Variants in ZAP70 observed in about 807,000 individuals in gnomAD.
ZAP70 encodes the protein tyrosine-protein kinase ZAP-70.
ZAP70 carries 27 observed loss-of-function variants against 65.8 expected under a neutral mutation model. The observed-to-expected ratio is 0.41, with a 90% CI of 0.30 to 0.57. The LOEUF is 0.57. Ranked by LOEUF, ZAP70 falls within the 20% of genes least tolerant of loss-of-function variation. The pLI is 0.28. For synonymous variants in ZAP70, 363 were observed against 360.8 expected (o/e 1.01, Z -0.07); for missense variants, 696 against 870.5 (o/e 0.80, Z 2.52).
Position 97,735,459 on chromosome 2 carries a change from G to A in ZAP70, c.1289+3G>A, listed in dbSNP as rs1383196450. ...CACAAGTTCCTGGTCGGCAAGAGGT[G>A]AGCACCGGGTGGGCCCGGCCATCGG... On this transcript the variant is annotated splice_donor_region_variant and intron_variant, in intron 10 of 13. Transcript: ENST00000264972. The A allele has an allele frequency of 1.2e-6, 2 of 1,608,428 alleles. No homozygotes were observed. Among genetic ancestry groups the A allele is most frequent in the Non-Finnish European group, 8.5e-7 (1 of 1,176,388 alleles).
At chr2:97,722,018 TGTGATCCACCTGCC>T (rs1677181915) in intron 2 of ZAP70, among the ~76,000 whole-genome samples, 1 of 152,056 alleles carries the variant, frequency 6.6e-6, no homozygotes, top group Non-Finnish European at 1.5e-5. Context: ...TGCCTGACCT[TGTGATCCACCTGCC>T]TTGGCCTCCC....
rs1241713073 is a variant in ZAP70, at chr2:97,721,626, G to A, written c.-21-2390G>A. On this transcript the variant is annotated intron_variant, in intron 2 of 13. Transcript: ENST00000264972. ...TTTTTGTATTTTTAGTAGAGACAGG[G>A]TTTCACTGTGTTAGCCAGGATGGTC... is the stretch of plus-strand genomic sequence containing the variant. Among the ~76,000 whole-genome samples the A allele has an allele frequency of 2.8e-5, 4 of 141,988 alleles. No homozygotes were observed. In the East Asian group the frequency reaches 8.2e-4, roughly 29 times the overall value. 93.1% of individuals were successfully genotyped at this position (141,988 alleles called of 152,430 possible). A position where few individuals can be genotyped will look rare whatever the true frequency, so the allele number is the denominator to read the frequency against.
chr2:97,728,872 C>T (rs1173277163), intron 4 of ZAP70, among the ~76,000 whole-genome samples: 1 of 152,244 alleles, frequency 6.6e-6, no homozygotes, highest in Non-Finnish European at 1.5e-5. Flanking sequence ...CTGCCTCAGC[C>T]TCCCTGAGTA....
At chr2:97,723,512 C>T (rs767163523) in intron 2 of ZAP70, among the ~76,000 whole-genome samples, 9 of 152,258 alleles carry the variant, frequency 5.9e-5, no homozygotes, top group Non-Finnish European at 1.2e-4. Context: ...CTAGCTAGAG[C>T]CACCTCTTCT....
Position 97,736,002 on chromosome 2 carries a change from A to G in ZAP70, c.1289+546A>G, listed in dbSNP as rs1677865086. ...CAGCCTGGGGACAGAGCGAAACTCC[A>G]TCTCAAAAAAATAAATAAATAAAAA... On this transcript the variant is annotated intron_variant, in intron 10 of 13. Coordinates refer to ENST00000264972, the MANE Select transcript of ZAP70 (RefSeq NM_001079.4). The surrounding 1 kb of genome is among the most constrained non-coding windows in gnomAD (Gnocchi z 4.0). 6.6e-6 allele frequency among the ~76,000 whole-genome samples: 1 copy of G among 152,068 alleles called. No individual in the cohort carries two copies. The highest frequency in any genetic ancestry group is 1.5e-5 in the Non-Finnish European group (1 of 68,010).
intron 4 of ZAP70, among the ~76,000 whole-genome samples, chr2:97,725,992 A>G (rs1172761125): frequency 1.3e-5 from 2 of 152,110 alleles, no homozygotes; most frequent in East Asian, 1.9e-4. Context: ...TTTTCCCCCA[A>G]GTGAGGTGGG....
At chr2:97,749,764 CAG>C in the ZAP70 span, among the ~76,000 whole-genome samples, 1 of 152,190 alleles carries the variant, frequency 6.6e-6, no homozygotes, top group Non-Finnish European at 1.5e-5. Context: ...CATGCTGCCG[CAG>C]TTCTGCTGAG....
At chr2:97,752,522 G>C in the ZAP70 span, among the ~76,000 whole-genome samples, 3 of 152,218 alleles carry the variant, frequency 2.0e-5, no homozygotes, top group East Asian at 1.9e-4. Context: ...AATTTCTCAA[G>C]ACCGGTGAGA....
chr2:97,732,749 C>T (rs940827387), intron 4 of ZAP70, 134 bp from the exon 5 acceptor site: 29 of 1,348,824 alleles, frequency 2.2e-5, no homozygotes, highest in African/African-American at 2.9e-5. Context: ...CCTGGCCTGG[C>T]TTCCCCAGTC....
chr2:97,750,609 C>G, the ZAP70 span, among the ~76,000 whole-genome samples: 18 of 152,288 alleles, frequency 1.2e-4, no homozygotes, highest in Admixed American at 1.2e-3. Flanking sequence ...TGTTAGTCCT[C>G]GTAACAGGTC....
chr2:97,731,620 C>T lies in ZAP70; in HGVS notation c.564-1263C>T, dbSNP rs1677611550. Among the ~76,000 whole-genome samples, 1 of 152,166 alleles carries T rather than the reference C, an allele frequency of 6.6e-6. No individual in the cohort carries two copies. Among genetic ancestry groups the T allele is most frequent in the Non-Finnish European group, 1.5e-5 (1 of 68,036 alleles). Reference sequence around the variant, plus strand: ...AATGGAGAGGATGGTCACAGCTGCACCTCTCTCCCTCACTCAGGGGACATT... The same window carrying T: ...AATGGAGAGGATGGTCACAGCTGCATCTCTCTCCCTCACTCAGGGGACATT... On this transcript the variant is annotated intron_variant, in intron 4 of 13. Transcript: ENST00000264972. This position sits in a 1 kb window ranked among gnomAD's most constrained non-coding sequence, Gnocchi z 4.0.
chr2:97,724,233 A>G lies in ZAP70; in HGVS notation c.197A>G (p.Asn66Ser), dbSNP rs200701137. 9.4e-6 allele frequency: 15 copies of G among 1,603,300 alleles called. No homozygotes were observed. Among genetic ancestry groups the G allele is most frequent in the Non-Finnish European group, 1.2e-5 (14 of 1,176,780 alleles). The change falls in exon 3 of 14, where the codon AAC (asparagine) becomes AGC (serine). Residue 66 changes from asparagine to serine, a missense_variant. Asn to Ser is a conservative substitution (Grantham distance 46). This residue lies in a region of ZAP70 where 551 missense variants were observed against 630.0 expected (regional missense o/e 0.87). Coordinates refer to ENST00000264972, the MANE Select transcript of ZAP70 (RefSeq NM_001079.4). ...CACTTTCCCATCGAGCGCCAGCTCA[A>G]CGGCACCTACGCCATTGCCGGCGGC... is the stretch of plus-strand genomic sequence containing the variant. ...FHHFPIERQLNGTYAIAGGKA... is the reference protein window; with the variant it reads ...FHHFPIERQLSGTYAIAGGKA...
chr2:97,742,217 C>T (rs1279814907), downstream of ZAP70, among the ~76,000 whole-genome samples: 2 of 152,250 alleles, frequency 1.3e-5, no homozygotes, highest in African/African-American at 2.4e-5. Context: ...CAGGAAGCAA[C>T]TAACATCTCC....
At chr2:97,727,490 C>A (rs1044304072) in intron 4 of ZAP70, among the ~76,000 whole-genome samples, 16 of 152,146 alleles carry the variant, frequency 1.1e-4, no homozygotes, top group African/African-American at 3.9e-4. Flanking sequence ...CCAGGTGTGA[C>A]CCTCGCCAAG....
downstream of ZAP70, among the ~76,000 whole-genome samples, chr2:97,743,066 C>T (rs185542478): frequency 2.0e-5 from 3 of 152,284 alleles, no homozygotes; most frequent in Non-Finnish European, 4.4e-5. Context: ...TTCAGCTCAG[C>T]ACCAACCTTA....
At chr2:97,734,982 C>CT (rs1266565435) in intron 9 of ZAP70, 1 of 647,986 alleles carries the variant, frequency 1.5e-6, no homozygotes, top group East Asian at 2.7e-5. Flanking sequence ...CCTGAGTCCA[C>CT]TGGCCCCTGA....
chr2:97,735,823 C>A (rs561754111), intron 10 of ZAP70, among the ~76,000 whole-genome samples: 112 of 152,252 alleles, frequency 7.4e-4, no homozygotes, highest in Non-Finnish European at 1.4e-3. Context: ...ACCATCCTGG[C>A]CAACATGGTG....
intron 2 of ZAP70, among the ~76,000 whole-genome samples, chr2:97,720,437 C>T (rs1350318410): frequency 2.0e-5 from 3 of 152,160 alleles, no homozygotes; most frequent in Admixed American, 1.3e-4. Context: ...ACCATGTTCG[C>T]CAGGCTAGTC....
the ZAP70 span, among the ~76,000 whole-genome samples, chr2:97,750,304 G>C: frequency 6.6e-6 from 1 of 152,210 alleles, no homozygotes; most frequent in Non-Finnish European, 1.5e-5. Flanking sequence ...CAGTGAGCTG[G>C]GGTGTCTCCT....
Sources: gnomAD v4.1 joint callset for allele counts (sites outside exome capture counted in the v4.1 genomes callset) on GRCh38, gnomAD v4.1.1 for gene constraint, gnomAD v4.1.1 regional missense constraint, Gnocchi (gnomAD v3.1) non-coding constraint, MANE v1.5 for transcripts, NCBI Gene and HGNC (gene_info 2026-07-23, HGNC 2026-07-21) for gene names.